ZNF618: variants seen among roughly 807,000 people sequenced by gnomAD.
The protein encoded by ZNF618 is zinc finger protein 618, also known as neural precursor cell expressed, developmentally down-regulated 10.
In ZNF618, 34 loss-of-function variants were observed where a neutral mutation model predicts 103.0. The ratio of observed to expected loss-of-function variants is 0.33; its 90% CI spans 0.25 to 0.44. The LOEUF (loss-of-function observed/expected upper bound fraction) is 0.44. ZNF618 is among the 20% of genes least tolerant of loss of function. ZNF618 has a pLI of 1.00. For missense variants in ZNF618, 1,059 were observed against 1,295.4 expected (o/e 0.82, Z 2.80); for synonymous variants, 551 against 542.2 (o/e 1.02, Z -0.23).
chr9:114,033,963 T>C (rs1476063580), intron 12 of ZNF618, among the ~76,000 whole-genome samples: 2 of 152,110 alleles, frequency 1.3e-5, no homozygotes, highest in African/African-American at 4.8e-5. Flanking sequence ...GGAGCTCCAC[T>C]TCGGGCTGTT....
chr9:113,897,359 G>A (rs1333078958), intron 1 of ZNF618, among the ~76,000 whole-genome samples: 5 of 152,154 alleles, frequency 3.3e-5, no homozygotes, highest in Admixed American at 2.6e-4. Context: ...ATAATTTCGA[G>A]GATACACGAT....
intron 1 of ZNF618, among the ~76,000 whole-genome samples, chr9:113,968,122 T>C (rs1025904687): frequency 1.3e-5 from 2 of 152,190 alleles, no homozygotes; most frequent in Non-Finnish European, 1.5e-5. Flanking sequence ...GCAGCAGAAC[T>C]TGACCTGAAG....
In ZNF618 at chr9:113,913,494, G is replaced by A. The variant is rs371937613; in HGVS notation, c.33+37081G>A. Among the ~76,000 whole-genome samples, 12 of 152,370 alleles carry A rather than the reference G, an allele frequency of 7.9e-5. No homozygotes were observed. The East Asian group carries it at 2.1e-3, about 27-fold the overall frequency. On this transcript the variant is annotated intron_variant, in intron 1 of 14. Transcript: ENST00000374126. ...TTGTGAGGAACCTGCAGGAGGGGGCGACAGCCCTACCCTTGGAGGTATGAA... is the reference window on the plus strand; with the variant it reads ...TTGTGAGGAACCTGCAGGAGGGGGCAACAGCCCTACCCTTGGAGGTATGAA...
chr9:114,035,725 G>A (rs930044822), intron 12 of ZNF618, among the ~76,000 whole-genome samples: 45 of 151,520 alleles, frequency 3.0e-4, no homozygotes, highest in Non-Finnish European at 4.1e-4. Context: ...CTGTTCCTAC[G>A]CGTGCCCTCC....
rs557743365 is a variant in ZNF618 at position 113,953,154 on chromosome 9, C to T, written c.34-15963C>T. Among the ~76,000 whole-genome samples the T allele has an allele frequency of 1.2e-4, 19 of 152,332 alleles. No individual in the cohort carries two copies. In the South Asian group the frequency reaches 1.7e-3, roughly 13 times the overall value. ...CTCTTAGAAAGAGAAAATCTCAGTA[C>T]GTGAACGTACTTCGAGGTCACCCTG... On this transcript the variant is annotated intron_variant, in intron 1 of 14. Coordinates refer to ENST00000374126, the MANE Select transcript of ZNF618 (RefSeq NM_001318042.2).
chr9:114,030,719 G>A (rs1475134803), intron 11 of ZNF618: 1 of 152,284 alleles, frequency 6.6e-6, no homozygotes, highest in African/African-American at 2.4e-5. Context: ...TCACCTCCTG[G>A]TCCTGGAATA....
At position 114,028,939 on chromosome 9, in the gene ZNF618, A is replaced by G; in HGVS notation, c.1051A>G (p.Asn351Asp). Residue 351 changes from asparagine (N) to aspartate (D), a missense_variant, in exon 11 of 15, where the codon AAT (asparagine) becomes GAT (aspartate). By Grantham distance (23) the Asn-to-Asp change is conservative (BLOSUM62 1). Around this residue, in one of 6 missense-constraint regions of ZNF618, gnomAD observed 434 missense variants for 476.0 expected, o/e 0.91. Coordinates refer to ENST00000374126, the MANE Select transcript of ZNF618 (RefSeq NM_001318042.2). Reference protein sequence around the residue: ...ATQTQTFRTPNSGSPASKATA... With the variant: ...ATQTQTFRTPDSGSPASKATA... ...CCAAACCCAGACGTTCCGCACTCCA[A>G]ATTCGGGATCTCCGGCGAGCAAGGC... 4 of 1,550,602 alleles carry G rather than the reference A, an allele frequency of 2.6e-6. No individual in the cohort carries two copies. Among genetic ancestry groups the G allele is most frequent in the Non-Finnish European group, 3.5e-6 (4 of 1,146,982 alleles).
chr9:114,000,315 C>T (rs1445728061), intron 4 of ZNF618, among the ~76,000 whole-genome samples: 1 of 151,998 alleles, frequency 6.6e-6, no homozygotes, highest in Non-Finnish European at 1.5e-5. Context: ...AACAGAGGCT[C>T]GGACAAGTGA....
intron 9 of ZNF618, chr9:114,015,991 C>T: frequency 4.6e-6 from 4 of 876,278 alleles, no homozygotes; most frequent in South Asian, 3.3e-5. Flanking sequence ...GAGTGGGGAC[C>T]AGGGCACCCT....
At chr9:113,886,999 T>A (rs945182483) in intron 1 of ZNF618, among the ~76,000 whole-genome samples, 23 of 128,378 alleles carry the variant, frequency 1.8e-4, no homozygotes, top group South Asian at 7.2e-4. Context: ...TTTTTTTTTT[T>A]AACAATGTGG....
chr9:113,916,870 A>C (rs1297163031), intron 1 of ZNF618, among the ~76,000 whole-genome samples: 1 of 152,242 alleles, frequency 6.6e-6, no homozygotes, highest in East Asian at 1.9e-4. Context: ...GACAGTCTCC[A>C]GCAATGGTAC....
At chr9:114,030,111 A>G (rs1843875895) in intron 11 of ZNF618, among the ~76,000 whole-genome samples, 1 of 152,222 alleles carries the variant, frequency 6.6e-6, no homozygotes, top group African/African-American at 2.4e-5. Context: ...CACTTGGTTC[A>G]TTCGGTGACT....
At chr9:113,960,306 A>T (rs1836725684) in intron 1 of ZNF618, among the ~76,000 whole-genome samples, 1 of 152,144 alleles carries the variant, frequency 6.6e-6, no homozygotes, top group Non-Finnish European at 1.5e-5. Context: ...GCAGCTCGCA[A>T]TTGCTTTTGG....
At chr9:113,912,520 C>T (rs553826633) in intron 1 of ZNF618, among the ~76,000 whole-genome samples, 6 of 152,196 alleles carry the variant, frequency 3.9e-5, no homozygotes, top group Admixed American at 6.5e-5. Flanking sequence ...GCAGCAGGCA[C>T]AGCCTCCCCG....
At chr9:113,999,259 A>T (rs919648995) in intron 4 of ZNF618, among the ~76,000 whole-genome samples, 1 of 142,842 alleles carries the variant, frequency 7.0e-6, no homozygotes, top group African/African-American at 2.8e-5. Flanking sequence ...TTTTAGGCTG[A>T]TCGAGGGGCA....
At chr9:113,998,204 C>G in intron 3 of ZNF618, 55 bp from the exon 4 acceptor site, 2 of 1,512,906 alleles carry the variant, frequency 1.3e-6, no homozygotes, top group Non-Finnish European at 1.8e-6. Flanking sequence ...CCTTCCCTAA[C>G]CTTCCAGGCA....
chr9:114,001,058 C>G (rs1564280341), intron 4 of ZNF618, among the ~76,000 whole-genome samples: 1 of 152,208 alleles, frequency 6.6e-6, no homozygotes, highest in Admixed American at 6.5e-5. Context: ...CAGGTGGCAT[C>G]AGGCCTTCAT....
At chr9:113,913,175 C>T (rs1425387575) in intron 1 of ZNF618, among the ~76,000 whole-genome samples, 1 of 152,058 alleles carries the variant, frequency 6.6e-6, no homozygotes, top group Non-Finnish European at 1.5e-5. Context: ...AGGGAAGCTG[C>T]CCCTAGAATC....
chr9:113,935,741 G>A (rs941430954), intron 1 of ZNF618, among the ~76,000 whole-genome samples: 2 of 152,118 alleles, frequency 1.3e-5, no homozygotes, highest in African/African-American at 4.8e-5. Context: ...ACTCTTTGAG[G>A]GTGGGTGAAG....
Sources: allele counts gnomAD v4.1 joint callset (sites outside exome capture counted in the v4.1 genomes callset), GRCh38; gene constraint gnomAD v4.1.1; regional missense constraint gnomAD v4.1.1; transcripts MANE v1.5; gene names NCBI Gene and HGNC (gene_info 2026-07-23, HGNC 2026-07-21).